The following CLASP2 variants were observed in gnomAD, a reference collection of about 807,000 sequenced individuals.
CLASP2 encodes the protein cytoplasmic linker associated protein 2.
In CLASP2, 47 loss-of-function variants were observed where a neutral mutation model predicts 194.4. The observed-to-expected ratio is 0.24, with a 90% CI of 0.19 to 0.31. The LOEUF (loss-of-function observed/expected upper bound fraction) is 0.31. CLASP2 is among the 10% of genes least tolerant of loss of function. The pLI is 1.00. For synonymous variants in CLASP2, 619 were observed against 633.5 expected, an observed-to-expected ratio of 0.98 and a Z score of 0.34; for missense variants, 1,445 against 1,823.6, an observed-to-expected ratio of 0.79 and a Z score of 3.78.
intron 1 of CLASP2, among the ~76,000 whole-genome samples, chr3:33,711,535 C>T (rs965567776): frequency 6.6e-6 from 1 of 151,482 alleles, no homozygotes; most frequent in Non-Finnish European, 1.5e-5. Context: ...GCTGGGATTA[C>T]AGGTGTGAGC....
intron 34 of CLASP2, among the ~76,000 whole-genome samples, chr3:33,520,427 C>T (rs1222822980): frequency 6.6e-6 from 1 of 152,144 alleles, no homozygotes; most frequent in Non-Finnish European, 1.5e-5. Flanking sequence ...CCCAAACAAA[C>T]TATAAGGAGG....
chr3:33,548,753 G>A (rs541773125), intron 30 of CLASP2, among the ~76,000 whole-genome samples: 9 of 148,828 alleles, frequency 6.0e-5, no homozygotes, highest in South Asian at 2.1e-4. Context: ...TAACGACTAC[G>A]GTTTCATTTC....
At chr3:33,652,833 C>T (rs2083439257) in intron 7 of CLASP2, among the ~76,000 whole-genome samples, 1 of 152,162 alleles carries the variant, frequency 6.6e-6, no homozygotes, top group Non-Finnish European at 1.5e-5. Flanking sequence ...CTCAGCTGCT[C>T]AGGCTCATAA....
At chr3:33,568,947 T>C (rs2063279886) in intron 26 of CLASP2, among the ~76,000 whole-genome samples, 1 of 152,192 alleles carries the variant, frequency 6.6e-6, no homozygotes, top group Non-Finnish European at 1.5e-5. Context: ...ACATGTCTAG[T>C]ATCCTTAATG....
chr3:33,530,355 A>G (rs1236333695), intron 34 of CLASP2, among the ~76,000 whole-genome samples: 1 of 152,086 alleles, frequency 6.6e-6, no homozygotes, highest in Non-Finnish European at 1.5e-5. Flanking sequence ...CTGTTGTCCC[A>G]GCTATTCAGG....
chr3:33,575,931 A>G (rs1487236814), intron 24 of CLASP2, among the ~76,000 whole-genome samples: 1 of 152,174 alleles, frequency 6.6e-6, no homozygotes, highest in African/African-American at 2.4e-5. Flanking sequence ...TTACCATATT[A>G]AAGACATCTA....
intron 8 of CLASP2, among the ~76,000 whole-genome samples, chr3:33,633,986 T>C (rs545390908): frequency 1.2e-4 from 18 of 152,168 alleles, no homozygotes; most frequent in Non-Finnish European, 2.2e-4. Flanking sequence ...CAAGAATCTT[T>C]ATAAATTCAG....
At chr3:33,616,831 A>C (rs2076267389) in intron 12 of CLASP2, among the ~76,000 whole-genome samples, 1 of 142,828 alleles carries the variant, frequency 7.0e-6, no homozygotes, top group Admixed American at 7.5e-5. Context: ...TCCCCCTCCC[A>C]AGTTCAAGCA....
chr3:33,638,754 G>A (rs1376983110), intron 8 of CLASP2, among the ~76,000 whole-genome samples: 1 of 152,226 alleles, frequency 6.6e-6, no homozygotes, highest in Non-Finnish European at 1.5e-5. Context: ...TGTGATAAAT[G>A]TAAGCCAAGC....
intron 7 of CLASP2, among the ~76,000 whole-genome samples, chr3:33,657,905 T>C (rs1215335862): frequency 6.6e-6 from 1 of 152,144 alleles, no homozygotes; most frequent in Admixed American, 6.5e-5. Context: ...GTTCACTACA[T>C]ACATAGTCAA....
rs72854340 is a variant in CLASP2 at position 33,546,250 on chromosome 3, A to C, written c.3154-1409T>G. Among the ~76,000 whole-genome samples, 1,318 of 152,298 alleles carry C rather than the reference A, an allele frequency of 8.7e-3. 19 individuals are homozygous for C. The highest frequency in any genetic ancestry group is 0.03 in the African/African-American group (1,265 of 41,566). On this transcript the variant is annotated intron_variant, in intron 30 of 38. Coordinates refer to ENST00000682230, the MANE Select transcript of CLASP2 (RefSeq NM_001365631.1). ...CCAATGAGTATATCCTTTCCTCATG[A>C]CTTGAAGTGACACCTGTATAATGAA...
chr3:33,683,046 T>C (rs1022425829), intron 6 of CLASP2: 4 of 152,224 alleles, frequency 2.6e-5, no homozygotes, highest in Non-Finnish European at 4.4e-5. Context: ...ACAGTTTCTG[T>C]TACCCAATAA....
chr3:33,659,149 G>A, intron 7 of CLASP2: 1 of 1,397,694 alleles, frequency 7.2e-7, no homozygotes, highest in Non-Finnish European at 9.3e-7. Flanking sequence ...ATAGCCAACA[G>A]CTGCTACTCC....
At chr3:33,704,585 C>G (rs1456583545) in intron 1 of CLASP2, among the ~76,000 whole-genome samples, 1 of 152,006 alleles carries the variant, frequency 6.6e-6, no homozygotes, top group East Asian at 1.9e-4. Context: ...AACCCCATCT[C>G]TAATAAAAAT....
chr3:33,500,101 C>T (rs145917467), intron 38 of CLASP2, among the ~76,000 whole-genome samples: 4 of 152,078 alleles, frequency 2.6e-5, no homozygotes, highest in African/African-American at 4.8e-5. Flanking sequence ...GGTGTGATCA[C>T]GGCTCACTGC....
chr3:33,680,956 C>T (rs942893443), intron 6 of CLASP2, among the ~76,000 whole-genome samples: 13 of 151,946 alleles, frequency 8.6e-5, no homozygotes, highest in African/African-American at 2.9e-4. Context: ...GAAACCCCGT[C>T]TCTACTAAGA....
chr3:33,684,980 C>T (rs2090425610), intron 5 of CLASP2, among the ~76,000 whole-genome samples: 1 of 147,964 alleles, frequency 6.8e-6, no homozygotes, highest in Non-Finnish European at 1.5e-5. Flanking sequence ...CCAGGCTGGG[C>T]GACAGAGCAA....
rs568884812 is a variant in CLASP2, at chr3:33,583,783, TA to T, written c.2239+966del. ...GTAATCTGCAAAAGACTTAAAACAA[TA>T]AAAAAAATTATTAAAAATAAACTGG... On this transcript the variant is annotated intron_variant, in intron 22 of 38. Coordinates refer to ENST00000682230, the MANE Select transcript of CLASP2 (RefSeq NM_001365631.1). 4.3e-4 allele frequency among the ~76,000 whole-genome samples: 66 copies of T among 151,880 alleles called. 1 individual carries two copies. The East Asian group carries it at 4.6e-3, about 11-fold the overall frequency.
At chr3:33,593,383 T>C (rs2069312864) in intron 20 of CLASP2, among the ~76,000 whole-genome samples, 1 of 152,230 alleles carries the variant, frequency 6.6e-6, no homozygotes, top group Non-Finnish European at 1.5e-5. Context: ...GGCTCAGAAT[T>C]ATTTTTAGAT....
Sources: gnomAD v4.1 joint callset for allele counts (sites outside exome capture counted in the v4.1 genomes callset) on GRCh38, gnomAD v4.1.1 for gene constraint, MANE v1.5 for transcripts, NCBI Gene and HGNC (gene_info 2026-07-23, HGNC 2026-07-21) for gene names.